CLDN12: variants seen among roughly 807,000 people sequenced by gnomAD.
CLDN12 encodes the protein claudin-12.
In CLDN12, 9 loss-of-function variants were observed where a neutral mutation model predicts 15.5. The observed-to-expected ratio is 0.58, with a 90% confidence interval of 0.35 to 1.02. CLDN12 has a LOEUF of 1.02. CLDN12 is among the 50% of genes least tolerant of loss of function. The pLI, the probability that CLDN12 is intolerant of heterozygous loss-of-function variation, is 0.02. For synonymous variants in CLDN12, 140 were observed against 121.6 expected (o/e 1.15, Z -1.00); for missense variants, 233 against 297.3 (o/e 0.78, Z 1.59).
intron 2 of CLDN12, among the ~76,000 whole-genome samples, chr7:90,408,295 G>A (rs776155438): frequency 2.0e-5 from 3 of 152,162 alleles, no homozygotes; most frequent in Non-Finnish European, 4.4e-5. Flanking sequence ...TTGAGCCCAA[G>A]AGTTCAAGAC....
intron 1 of CLDN12, among the ~76,000 whole-genome samples, chr7:90,404,428 A>G (rs1471037479): frequency 6.6e-6 from 1 of 152,084 alleles, no homozygotes; most frequent in Non-Finnish European, 1.5e-5. Flanking sequence ...TTCTCATCCT[A>G]CCTGTTTGAG....
chr7:90,408,501 C>A (rs116684591), intron 2 of CLDN12, among the ~76,000 whole-genome samples: 4,317 of 152,008 alleles, frequency 0.028, 79 homozygotes, highest in African/African-American at 0.045. Context: ...AGAGTAAGAC[C>A]CTGTCTTAAA....
In CLDN12 at chr7:90,413,227, GC is replaced by G; in HGVS notation, c.553del (p.Leu185CysfsTer3). 1 of 1,614,120 alleles carries G rather than the reference GC, an allele frequency of 6.2e-7. No individual in the cohort carries two copies. The highest frequency in any genetic ancestry group is 8.5e-7 in the Non-Finnish European group (1 of 1,180,000). ...TATGTCACTATTGCTAGTGCTGGGG[GC>G]CTGTTTATGACTTCCCTTATACTAT... ...AVYVTIASAG[G>X]LFMTSLILFI... On this transcript the variant is annotated frameshift_variant, in exon 4 of 4. Transcript: ENST00000496677. LOFTEE classifies it high-confidence loss of function.
Position 90,413,684 on chromosome 7 carries a change from A to C in CLDN12, c.*273A>C. 1 of 1,191,066 alleles carries C rather than the reference A, an allele frequency of 8.4e-7. No individual in the cohort carries two copies. Among genetic ancestry groups the C allele is most frequent in the East Asian group, 4.4e-5 (1 of 22,490 alleles). The allele number at this position is 1,191,066 out of a possible 1,614,324, so 73.8% of individuals were successfully genotyped here. A position where few individuals can be genotyped will look rare whatever the true frequency, so the allele number is the denominator to read the frequency against. ...TATTTAAGTGGAAGAGGCCTGCATC[A>C]CAATTGAGGTAATGTAGAGCAACAT... On this transcript the variant is annotated 3_prime_UTR_variant, in exon 4 of 4. Coordinates refer to ENST00000496677, the MANE Select transcript of CLDN12 (RefSeq NM_001185072.3).
At chr7:90,406,489 G>A (rs188381224) in intron 2 of CLDN12, among the ~76,000 whole-genome samples, 4 of 152,250 alleles carry the variant, frequency 2.6e-5, no homozygotes, top group Middle Eastern at 3.4e-3. Context: ...ATAACCATCT[G>A]TAGTCATTTG....
rs948855688 is a variant in CLDN12, at chr7:90,414,679, C to T, written c.*1268C>T. ...ATCCTGGACCTTGAAATTCTGTTTA[C>T]TTCAGTCCATTGTATCCTTTAAGGC... On this transcript the variant is annotated 3_prime_UTR_variant, in exon 4 of 4. Coordinates refer to ENST00000496677, the MANE Select transcript of CLDN12 (RefSeq NM_001185072.3). 6.0e-6 allele frequency: 1 copy of T among 167,152 alleles called. No individual in the cohort carries two copies. Among genetic ancestry groups the T allele is most frequent in the Admixed American group, 6.5e-5 (1 of 15,288 alleles). 10.4% of individuals were successfully genotyped at this position (167,152 alleles called of 1,614,324 possible).
intron 1 of CLDN12, among the ~76,000 whole-genome samples, chr7:90,404,689 C>T (rs1226827904): frequency 1.3e-5 from 2 of 151,978 alleles, no homozygotes; most frequent in Admixed American, 6.6e-5. Flanking sequence ...ATCCTTTCAC[C>T]GTAGTCATGA....
At chr7:90,410,996 A>C (rs1404423931) in intron 2 of CLDN12, among the ~76,000 whole-genome samples, 1 of 146,206 alleles carries the variant, frequency 6.8e-6, no homozygotes, top group Non-Finnish European at 1.5e-5. Flanking sequence ...GACTTGTTTC[A>C]AAAAAAAAAG....
Position 90,413,783 on chromosome 7 carries a change from C to T in CLDN12, c.*372C>T. The T allele has an allele frequency of 9.9e-7, 1 of 1,014,680 alleles. No homozygotes were observed. The highest frequency in any genetic ancestry group is 1.2e-6 in the Non-Finnish European group (1 of 839,814). The allele number at this position is 1,014,680 out of a possible 1,614,324, so 62.9% of individuals were successfully genotyped here. A position where few individuals can be genotyped will look rare whatever the true frequency, so the allele number is the denominator to read the frequency against. ...AATTTCAGTGTGTATTTTTCTTTTTCTATAATACCTTTAACTGCAAAGAAA... is the reference window on the plus strand; with the variant it reads ...AATTTCAGTGTGTATTTTTCTTTTTTTATAATACCTTTAACTGCAAAGAAA... On this transcript the variant is annotated 3_prime_UTR_variant, in exon 4 of 4. Transcript: ENST00000496677.
At chr7:90,404,313 C>T (rs1036212200) in intron 1 of CLDN12, among the ~76,000 whole-genome samples, 1 of 152,064 alleles carries the variant, frequency 6.6e-6, no homozygotes, top group African/African-American at 2.4e-5. Flanking sequence ...CTGAAATCTC[C>T]GAGCAGCCAG....
Position 90,413,212 on chromosome 7 carries a change from T to C in CLDN12, c.536T>C (p.Ile179Thr), listed in dbSNP as rs1346219704. The change falls in exon 4 of 4, where the codon ATT becomes ACT. Residue 179 changes from isoleucine (I) to threonine (T), a missense_variant. Ile to Thr is a moderately conservative substitution (Grantham distance 89). Coordinates refer to ENST00000496677, the MANE Select transcript of CLDN12 (RefSeq NM_001185072.3). Reference protein sequence around the residue: ...FSFDYAVYVTIASAGGLFMTS... With the variant: ...FSFDYAVYVTTASAGGLFMTS... Reference sequence around the variant, plus strand: ...TTTGACTATGCAGTGTATGTCACTATTGCTAGTGCTGGGGGCCTGTTTATG... The same window carrying C: ...TTTGACTATGCAGTGTATGTCACTACTGCTAGTGCTGGGGGCCTGTTTATG... 1 of 1,614,198 alleles carries C rather than the reference T, an allele frequency of 6.2e-7. No individual in the cohort carries two copies. The highest frequency in any genetic ancestry group is 8.5e-7 in the Non-Finnish European group (1 of 1,179,992).
At chr7:90,405,445 T>C (rs1796816039) in intron 1 of CLDN12, 74 bp from the exon 2 acceptor site, 1 of 152,224 alleles carries the variant, frequency 6.6e-6, no homozygotes, top group Non-Finnish European at 1.5e-5. Context: ...TCATTTCTTC[T>C]AATCCATGGG....
At chr7:90,404,744 G>A (rs1796800011) in intron 1 of CLDN12, among the ~76,000 whole-genome samples, 1 of 151,928 alleles carries the variant, frequency 6.6e-6, no homozygotes, top group Non-Finnish European at 1.5e-5. Flanking sequence ...ATATTCCCAA[G>A]ACAGCAAAGT....
chr7:90,406,534 A>G (rs765111723), intron 2 of CLDN12, among the ~76,000 whole-genome samples: 1 of 152,202 alleles, frequency 6.6e-6, no homozygotes, highest in Non-Finnish European at 1.5e-5. Flanking sequence ...TTTCTAGCTG[A>G]AAAAAGTAAA....
intron 2 of CLDN12, among the ~76,000 whole-genome samples, chr7:90,408,102 C>T (rs1468780745): frequency 1.3e-5 from 2 of 152,174 alleles, no homozygotes; most frequent in Non-Finnish European, 2.9e-5. Context: ...TGACACAGCA[C>T]AAGAGTAGAG....
In CLDN12 at chr7:90,413,441, T is replaced by C. The variant is rs769996911; in HGVS notation, c.*30T>C. ...GAAATAGTTAATTGTTAAAGAAAAC[T>C]TCTTGTAGCCTCACATTCCCCTTGT... On this transcript the variant is annotated 3_prime_UTR_variant, in exon 4 of 4. Transcript: ENST00000496677. 6.9e-6 allele frequency: 11 copies of C among 1,595,336 alleles called. No homozygotes were observed. The highest frequency in any genetic ancestry group is 2.7e-5 in the African/African-American group (2 of 74,646).
At chr7:90,410,965 C>G (rs972408101) in intron 2 of CLDN12, among the ~76,000 whole-genome samples, 11 of 151,684 alleles carry the variant, frequency 7.3e-5, no homozygotes, top group Non-Finnish European at 5.9e-5. Flanking sequence ...TCATTGCACT[C>G]TAGCCTGGGC....
intron 2 of CLDN12, among the ~76,000 whole-genome samples, chr7:90,407,082 G>A (rs1796851352): frequency 6.6e-6 from 1 of 151,996 alleles, no homozygotes; most frequent in African/African-American, 2.4e-5. Flanking sequence ...TTTTGAAATG[G>A]AGTCTCGGGG....
At chr7:90,412,493 A>T in intron 3 of CLDN12, 151 bp from the exon 4 acceptor site, 1 of 642,308 alleles carries the variant, frequency 1.6e-6, no homozygotes, top group Non-Finnish European at 2.7e-6. Context: ...ATGTATATAC[A>T]TTTGTACTGT....
Sources: gnomAD v4.1 joint callset for allele counts (sites outside exome capture counted in the v4.1 genomes callset) on GRCh38, gnomAD v4.1.1 for gene constraint, MANE v1.5 for transcripts, NCBI Gene and HGNC (gene_info 2026-07-23, HGNC 2026-07-21) for gene names.